REV3L: variants seen among roughly 807,000 people sequenced by gnomAD.
REV3L encodes REV3 like, DNA directed polymerase zeta catalytic subunit.
Under a neutral mutation model 299.4 loss-of-function variants are expected in REV3L, and 69 were observed. The ratio of observed to expected loss-of-function variants is 0.23; its 90% CI spans 0.19 to 0.28. The LOEUF is 0.28. Among genes scored for constraint, REV3L ranks in the 10% least tolerant of loss-of-function variants. The probability of loss-of-function intolerance (pLI) is 1.00; values close to 1 mark genes in which losing one functional copy is unlikely to be tolerated. For missense variants in REV3L, 3,128 were observed against 3,693.8 expected, an observed-to-expected ratio of 0.85 and a Z score of 3.97; for synonymous variants, 1,238 against 1,271.4, an observed-to-expected ratio of 0.97 and a Z score of 0.56.
intron 1 of REV3L, among the ~76,000 whole-genome samples, chr6:111,416,832 C>CA (rs1784818204): frequency 6.6e-6 from 1 of 152,008 alleles, no homozygotes; most frequent in African/African-American, 2.4e-5. Context: ...CAAAAATTCA[C>CA]AAAAAGTTTA....
intron 4 of REV3L, among the ~76,000 whole-genome samples, chr6:111,395,927 CTG>C (rs1250117869): frequency 6.6e-6 from 1 of 152,164 alleles, no homozygotes; most frequent in African/African-American, 2.4e-5. Flanking sequence ...AATAACTTTT[CTG>C]TGTTAGCTGA....
chr6:111,389,727 A>ATTTTT (rs10713895), intron 6 of REV3L, among the ~76,000 whole-genome samples: 3 of 81,388 alleles, frequency 3.7e-5, no homozygotes, highest in East Asian at 4.0e-4. Context: ...TTGGTCATTA[A>ATTTTT]TTTTTTTTTT....
intron 9 of REV3L, among the ~76,000 whole-genome samples, chr6:111,385,810 G>A (rs954182899): frequency 7.2e-5 from 11 of 152,056 alleles, no homozygotes; most frequent in African/African-American, 2.2e-4. Flanking sequence ...AGCACAAAAT[G>A]TAATTCACAA....
At chr6:111,414,783 C>A (rs375162040) in intron 2 of REV3L, among the ~76,000 whole-genome samples, 44 of 152,272 alleles carry the variant, frequency 2.9e-4, no homozygotes, top group African/African-American at 1.1e-3. Context: ...TCCTCTCTCA[C>A]AATCCTTACC....
chr6:111,373,104 G>C lies in REV3L; in HGVS notation c.5251C>G (p.Leu1751Val). 6.2e-7 allele frequency: 1 copy of C among 1,614,120 alleles called. No individual in the cohort carries two copies. The highest frequency in any genetic ancestry group is 8.5e-7 in the Non-Finnish European group (1 of 1,180,004). The part of the protein sequence containing the change: ...HNQWKNSFHP[L>V]TTRSNSIMDS... ...ATTATTGAGTTAGACCGAGTTGTTA[G>C]AGGATGAAAGCTATTTTTCCACTGG... Residue 1751 changes from leucine (L) to valine (V), a missense_variant, in exon 13 of 32, where the codon CTA (leucine) becomes GTA (valine). By Grantham distance (32) the Leu-to-Val change is conservative. This residue lies in a region of REV3L where 2,409 missense variants were observed against 2,611.8 expected (regional missense o/e 0.92). Coordinates refer to ENST00000368802, the MANE Select transcript of REV3L (RefSeq NM_001372078.1).
chr6:111,391,291 C>G (rs1455013516), intron 5 of REV3L, among the ~76,000 whole-genome samples: 1 of 152,080 alleles, frequency 6.6e-6, no homozygotes, highest in Non-Finnish European at 1.5e-5. Context: ...GTCTTGAACT[C>G]CTGACCTCAA....
At position 111,300,051 on chromosome 6, in the gene REV3L, C is replaced by T. The variant is rs768040226; in HGVS notation, c.9358G>A (p.Ala3120Thr). ...LSRVNRELSK[A>T]PYLRQLLDQF ...TCTAATAACTGCCGGAGATATGGTGCCTTGGACAATTCTCTATTTACTCGG... is the reference window on the plus strand; with the variant it reads ...TCTAATAACTGCCGGAGATATGGTGTCTTGGACAATTCTCTATTTACTCGG... Residue 3120 changes from alanine (A) to threonine (T), a missense_variant, in exon 32 of 32, where the codon GCA (alanine) becomes ACA (threonine). Ala to Thr is a moderately conservative substitution (Grantham distance 58). This residue lies in a region of REV3L where 294 missense variants were observed against 377.0 expected (regional missense o/e 0.78). Transcript: ENST00000368802. 19 of 1,613,354 alleles carry T rather than the reference C, an allele frequency of 1.2e-5. No homozygotes were observed. The highest frequency in any genetic ancestry group is 1.4e-5 in the Non-Finnish European group (17 of 1,179,684).
intron 2 of REV3L, among the ~76,000 whole-genome samples, chr6:111,412,837 A>G (rs1055955311): frequency 3.3e-5 from 5 of 151,470 alleles, no homozygotes; most frequent in Admixed American, 6.6e-5. Flanking sequence ...TCTCACTCCA[A>G]TCTCAAGTCA....
At chr6:111,392,728 A>G in intron 5 of REV3L, 148 bp downstream of exon 5, 1 of 530,520 alleles carries the variant, frequency 1.9e-6, no homozygotes, top group East Asian at 2.9e-5. Flanking sequence ...CTTGTAATAC[A>G]CTAATGTCAA....
intron 18 of REV3L, among the ~76,000 whole-genome samples, chr6:111,353,085 T>C (rs1337866944): frequency 6.6e-6 from 1 of 152,218 alleles, no homozygotes; most frequent in African/African-American, 2.4e-5. Context: ...ACATAACTAC[T>C]CATGAAACAC....
At chr6:111,457,373 AG>A (rs1251497735) in intron 1 of REV3L, among the ~76,000 whole-genome samples, 3 of 152,072 alleles carry the variant, frequency 2.0e-5, no homozygotes, top group African/African-American at 7.2e-5. Context: ...TTAGTTCATA[AG>A]TCATTAGGGT....
intron 9 of REV3L, among the ~76,000 whole-genome samples, chr6:111,386,871 G>A (rs1291437095): frequency 4.0e-5 from 6 of 151,776 alleles, no homozygotes; most frequent in East Asian, 3.9e-4. Flanking sequence ...ACAGGTGTGC[G>A]CCACCACGCC....
chr6:111,462,854 G>A (rs1460521061), intron 1 of REV3L, among the ~76,000 whole-genome samples: 1 of 152,016 alleles, frequency 6.6e-6, no homozygotes, highest in Non-Finnish European at 1.5e-5. Flanking sequence ...GCCACAGAAT[G>A]TAAGTACAAC....
At chr6:111,480,892 G>A (rs1338538054) in intron 1 of REV3L, among the ~76,000 whole-genome samples, 1 of 148,796 alleles carries the variant, frequency 6.7e-6, no homozygotes, top group Non-Finnish European at 1.5e-5. Flanking sequence ...GTCCATGAAG[G>A]ATTAAATAGG....
chr6:111,340,596 A>G (rs928636478), intron 21 of REV3L, among the ~76,000 whole-genome samples: 4 of 152,146 alleles, frequency 2.6e-5, no homozygotes, highest in African/African-American at 4.8e-5. Context: ...TTTACAATAT[A>G]TATGTATGTC....
Position 111,329,749 on chromosome 6 carries a change from G to GA in REV3L, c.8035-12dup, listed in dbSNP as rs759292750. 61 of 1,596,108 alleles carry GA rather than the reference G, an allele frequency of 3.8e-5. No homozygotes were observed. The African/African-American group carries it at 3.9e-4, about 10-fold the overall frequency. ...TTTTCTTACTGAAGGCTATCATAAAGAAAAAAAATGTTTAAAACCCCTCAA... is the reference window on the plus strand; with the variant it reads ...TTTTCTTACTGAAGGCTATCATAAAGAAAAAAAAATGTTTAAAACCCCTCAA... On this transcript the variant is annotated splice_polypyrimidine_tract_variant and intron_variant, in intron 24 of 31. Coordinates refer to ENST00000368802, the MANE Select transcript of REV3L (RefSeq NM_001372078.1).
At chr6:111,405,188 C>A (rs1033966879) in intron 4 of REV3L, among the ~76,000 whole-genome samples, 1 of 151,814 alleles carries the variant, frequency 6.6e-6, no homozygotes, top group Non-Finnish European at 1.5e-5. Context: ...TAGAACTAAA[C>A]CCACAATACC....
chr6:111,303,701 C>CTT lies in REV3L; in HGVS notation c.9253-3547_9253-3546dup, dbSNP rs58366929. On this transcript the variant is annotated intron_variant, in intron 31 of 31. Coordinates refer to ENST00000368802, the MANE Select transcript of REV3L (RefSeq NM_001372078.1). ...TTTTTTTTTTTTTAACAGACTATGA[C>CTT]TTTTTTTTTTTTTTTTTTTTTTTTT... 8.2e-3 allele frequency among the ~76,000 whole-genome samples: 104 copies of CTT among 12,638 alleles called. 26 individuals are homozygous for CTT. The highest frequency in any genetic ancestry group is 0.017 in the African/African-American group (70 of 4,206). The allele number at this position is 12,638 out of a possible 152,430, so 8.3% of individuals were successfully genotyped here.
At chr6:111,422,679 CGTATATATATATAT>C (rs1785689552) in intron 1 of REV3L, among the ~76,000 whole-genome samples, 1 of 24,948 alleles carries the variant, frequency 4.0e-5, no homozygotes, top group African/African-American at 1.3e-4. Context: ...TATATATATA[CGTATATATATATAT>C]ATATATATTT....
Sources: allele counts gnomAD v4.1 joint callset (sites outside exome capture counted in the v4.1 genomes callset), GRCh38; gene constraint gnomAD v4.1.1; regional missense constraint gnomAD v4.1.1; transcripts MANE v1.5; gene names NCBI Gene and HGNC (gene_info 2026-07-23, HGNC 2026-07-21).